PLCD3: variants seen among roughly 807,000 people sequenced by gnomAD.
The protein encoded by PLCD3 is phospholipase C delta 3.
Under a neutral mutation model 82.8 loss-of-function variants are expected in PLCD3, and 62 were observed. The ratio of observed to expected loss-of-function variants is 0.75; its 90% confidence interval spans 0.61 to 0.93. The LOEUF is 0.93. Ranked by LOEUF, PLCD3 falls within the 40% of genes least tolerant of loss-of-function variation. The probability of loss-of-function intolerance (pLI) is 0.00; values close to 1 mark genes in which losing one functional copy is unlikely to be tolerated. For synonymous variants in PLCD3, 478 were observed against 471.8 expected (o/e 1.01, Z -0.17); for missense variants, 1,023 against 1,103.4 (o/e 0.93, Z 1.03).
chr17:45,116,857 G>C (rs2143558352), intron 7 of PLCD3, 73 bp from the exon 8 acceptor site: 1 of 1,459,862 alleles, frequency 6.8e-7, no homozygotes. Context: ...CTGGCTCCCA[G>C]ACCCTTCAGG....
intron 1 of PLCD3, among the ~76,000 whole-genome samples, chr17:45,126,555 G>A (rs917743967): frequency 1.4e-5 from 2 of 146,300 alleles, no homozygotes; most frequent in East Asian, 2.0e-4. Context: ...CACTCGCCTC[G>A]GCCTCCCAAA....
chr17:45,118,517 T>G lies in PLCD3; in HGVS notation c.914-25A>C. The G allele has an allele frequency of 6.2e-7, 1 of 1,612,828 alleles. No individual in the cohort carries two copies. The highest frequency in any genetic ancestry group is 8.5e-7 in the Non-Finnish European group (1 of 1,179,360). ...GCTGCAGGGGTGGCAGGAGAGGGCATCAGGCCACATAGGGATCCCCCATGT... is the reference window on the plus strand; with the variant it reads ...GCTGCAGGGGTGGCAGGAGAGGGCAGCAGGCCACATAGGGATCCCCCATGT... On this transcript the variant is annotated intron_variant, in intron 5 of 14. Transcript: ENST00000619929. The surrounding 1 kb of genome is among the most constrained non-coding windows in gnomAD (Gnocchi z 4.1).
intron 1 of PLCD3, among the ~76,000 whole-genome samples, chr17:45,125,697 A>G (rs1489752327): frequency 1.3e-5 from 2 of 152,270 alleles, no homozygotes; most frequent in Non-Finnish European, 2.9e-5. Context: ...TCAGCCATGT[A>G]AAGGAGTGAA....
rs575152910 is a variant in PLCD3 at position 45,118,221 on chromosome 17, G to A, written c.1115+70C>T. The A allele has an allele frequency of 6.2e-7, 1 of 1,610,986 alleles. No individual in the cohort carries two copies. The highest frequency in any genetic ancestry group is 1.7e-5 in the Admixed American group (1 of 59,872). On this transcript the variant is annotated intron_variant, in intron 6 of 14. Transcript: ENST00000619929. This position sits in a 1 kb window ranked among gnomAD's most constrained non-coding sequence, Gnocchi z 4.1. Reference sequence around the variant, plus strand: ...GCAGCAGGCAGGCTGGGCCAGGAAGGCCCCAGGAAGCCAGCCCATGTCTCT... The same window carrying A: ...GCAGCAGGCAGGCTGGGCCAGGAAGACCCCAGGAAGCCAGCCCATGTCTCT...
intron 4 of PLCD3, among the ~76,000 whole-genome samples, chr17:45,119,260 C>G (rs1163906864): frequency 6.6e-6 from 1 of 152,190 alleles, no homozygotes; most frequent in Non-Finnish European, 1.5e-5. Flanking sequence ...TTTGGTCTTG[C>G]TCTGTTACCC....
chr17:45,119,181 C>T (rs1198166862), intron 4 of PLCD3, 138 bp from the exon 5 acceptor site: 1 of 657,118 alleles, frequency 1.5e-6, no homozygotes, highest in Non-Finnish European at 2.6e-6. Context: ...AGACTTGTGA[C>T]TCTAGCTCAC....
chr17:45,115,524 GC>G, intron 8 of PLCD3, 34 bp from the exon 9 acceptor site: 5 of 1,555,582 alleles, frequency 3.2e-6, no homozygotes, highest in Non-Finnish European at 4.4e-6. Flanking sequence ...GAAGGGTTAG[GC>G]CTTCTCGCCC....
chr17:45,118,537 C>A lies in PLCD3; in HGVS notation c.914-45G>T. ...GGGCATCAGGCCACATAGGGATCCC[C>A]CATGTCCAGCTTCCAATGCCCCCAA... On this transcript the variant is annotated intron_variant, in intron 5 of 14. Coordinates refer to ENST00000619929, the MANE Select transcript of PLCD3 (RefSeq NM_133373.5). This position sits in a 1 kb window ranked among gnomAD's most constrained non-coding sequence, Gnocchi z 4.1. 2 of 1,602,550 alleles carry A rather than the reference C, an allele frequency of 1.2e-6. No homozygotes were observed. Among genetic ancestry groups the A allele is most frequent in the Non-Finnish European group, 1.7e-6 (2 of 1,172,064 alleles).
At chr17:45,128,548 C>G (rs1261005172) in intron 1 of PLCD3, among the ~76,000 whole-genome samples, 1 of 152,242 alleles carries the variant, frequency 6.6e-6, no homozygotes, top group African/African-American at 2.4e-5. Context: ...CCCAGGCAGG[C>G]CATGGGCCGA....
intron 1 of PLCD3, among the ~76,000 whole-genome samples, chr17:45,130,255 C>T (rs1272747681): frequency 6.6e-6 from 1 of 152,130 alleles, no homozygotes; most frequent in Non-Finnish European, 1.5e-5. Flanking sequence ...CCCAGAGCTC[C>T]CGTGCAGCCT....
intron 3 of PLCD3, among the ~76,000 whole-genome samples, 191 bp downstream of exon 3, chr17:45,120,711 G>GT (rs963644275): frequency 6.6e-6 from 1 of 152,202 alleles, no homozygotes; most frequent in African/African-American, 2.4e-5. Flanking sequence ...ACCCCTCCTG[G>GT]TGGGAGCTTG....
chr17:45,114,461 TC>T, intron 10 of PLCD3, 95 bp from the exon 11 acceptor site: 1 of 942,280 alleles, frequency 1.1e-6, no homozygotes, highest in South Asian at 1.7e-5. Flanking sequence ...CCCAAGCCCG[TC>T]CCCAGGTCAC....
At chr17:45,125,057 T>G (rs2054371070) in intron 1 of PLCD3, among the ~76,000 whole-genome samples, 1 of 151,664 alleles carries the variant, frequency 6.6e-6, no homozygotes, top group African/African-American at 2.4e-5. Flanking sequence ...CTGGGCATGG[T>G]GGCTCACACC....
At chr17:45,123,772 A>G (rs962207097) in intron 1 of PLCD3, among the ~76,000 whole-genome samples, 2 of 152,172 alleles carry the variant, frequency 1.3e-5, no homozygotes, top group Non-Finnish European at 2.9e-5. Context: ...TTAAGAGGCC[A>G]TGACCCCTTG....
At chr17:45,114,599 C>CTGGAAATTTCCTGACTGG (rs1196122795) in intron 10 of PLCD3, among the ~76,000 whole-genome samples, 2 of 152,072 alleles carry the variant, frequency 1.3e-5, no homozygotes, top group Non-Finnish European at 2.9e-5. Context: ...CAGCTCCTGA[C>CTGGAAATTTCCTGACTGG]AAAGTTCCAA....
chr17:45,118,533 T>TCC lies in PLCD3; in HGVS notation c.914-43_914-42dup. The TCC allele has an allele frequency of 6.2e-7, 1 of 1,600,892 alleles. No homozygotes were observed. Among genetic ancestry groups the TCC allele is most frequent in the South Asian group, 1.1e-5 (1 of 90,228 alleles). On this transcript the variant is annotated intron_variant, in intron 5 of 14. Coordinates refer to ENST00000619929, the MANE Select transcript of PLCD3 (RefSeq NM_133373.5). This position sits in a 1 kb window ranked among gnomAD's most constrained non-coding sequence, Gnocchi z 4.1. ...GAGAGGGCATCAGGCCACATAGGGATCCCCCATGTCCAGCTTCCAATGCCC... is the reference window on the plus strand; with the variant it reads ...GAGAGGGCATCAGGCCACATAGGGATCCCCCCCATGTCCAGCTTCCAATGCCC...
chr17:45,132,383 G>A lies in PLCD3; in HGVS notation c.28C>T (p.Arg10Cys), dbSNP rs1254002031. 8 of 1,226,842 alleles carry A rather than the reference G, an allele frequency of 6.5e-6. No homozygotes were observed. The Admixed American group carries it at 3.4e-4, about 52-fold the overall frequency. 76.0% of individuals were successfully genotyped at this position (1,226,842 alleles called of 1,614,324 possible). A position where few individuals can be genotyped will look rare whatever the true frequency, so the allele number is the denominator to read the frequency against. Residue 10 changes from arginine to cysteine, a missense_variant, in exon 1 of 15, where the codon CGC becomes TGC. Transcript: ENST00000619929. This position sits in a 1 kb window ranked among gnomAD's most constrained non-coding sequence, Gnocchi z 4.6. ...ACCGGGGGCTCCTCGGGCGGGCGGCGGCAACGCCTCCAGCGGCCGCACAGC... is the reference window on the plus strand; with the variant it reads ...ACCGGGGGCTCCTCGGGCGGGCGGCAGCAACGCCTCCAGCGGCCGCACAGC... Reference protein sequence around the residue: MLCGRWRRCRRPPEEPPVAA... With the variant: MLCGRWRRCCRPPEEPPVAA...
intron 1 of PLCD3, among the ~76,000 whole-genome samples, chr17:45,123,965 C>A (rs924579386): frequency 9.3e-5 from 9 of 96,364 alleles, no homozygotes; most frequent in South Asian, 2.9e-4. Context: ...GACCCCCCCC[C>A]CAACCAGGTC....
chr17:45,118,437 C>A lies in PLCD3; in HGVS notation c.969G>T (p.Pro323=). ...GGGTGTTGTCCAAGGCAGCCCCCTC[C>A]GGCGACAACAGGTACATCATGAAGC... ...LDGFMMYLLS[P]EGAALDNTHT... is the part of the protein sequence containing the mutation. The change falls in exon 6 of 15, where the codon CCG becomes CCT. Residue 323 remains proline, a synonymous_variant. Coordinates refer to ENST00000619929, the MANE Select transcript of PLCD3 (RefSeq NM_133373.5). This position sits in a 1 kb window ranked among gnomAD's most constrained non-coding sequence, Gnocchi z 4.1. The A allele has an allele frequency of 6.2e-7, 1 of 1,613,978 alleles. No individual in the cohort carries two copies. The highest frequency in any genetic ancestry group is 1.3e-5 in the African/African-American group (1 of 75,016).
Sources: allele counts gnomAD v4.1 joint callset (sites outside exome capture counted in the v4.1 genomes callset), GRCh38; gene constraint gnomAD v4.1.1; non-coding constraint Gnocchi (gnomAD v3.1); transcripts MANE v1.5; gene names NCBI Gene and HGNC (gene_info 2026-07-23, HGNC 2026-07-21).